SHCBP1L: variants seen among roughly 807,000 people sequenced by gnomAD.
SHCBP1L encodes testicular spindle-associated protein SHCBP1L.
In SHCBP1L, 67 loss-of-function variants were observed where a neutral mutation model predicts 62.5. The observed-to-expected ratio is 1.07, with a 90% CI of 0.88 to 1.31. SHCBP1L has a LOEUF of 1.31. Ranked by LOEUF, SHCBP1L falls within the 40% of genes most tolerant of loss-of-function variation. The pLI is 0.00. For synonymous variants in SHCBP1L, 284 were observed against 289.4 expected (o/e 0.98, Z 0.19); for missense variants, 823 against 809.8 (o/e 1.02, Z -0.20).
At chr1:182,926,900 A>C (rs1650769069) in intron 6 of SHCBP1L, among the ~76,000 whole-genome samples, 1 of 151,754 alleles carries the variant, frequency 6.6e-6, no homozygotes, top group South Asian at 2.1e-4. Context: ...AACTCTATAA[A>C]TATGAAACAT....
rs552216027 is a variant in SHCBP1L, at chr1:182,923,669, CT to C, written c.1182+5977del. 2.0e-5 allele frequency among the ~76,000 whole-genome samples: 3 copies of C among 152,146 alleles called. No homozygotes were observed. In the South Asian group the frequency reaches 6.2e-4, roughly 32 times the overall value. The stretch of plus-strand genomic sequence containing the variant: ...ATCATCTCAACAGATGCTGAAAAGG[CT>C]TTCTATAAATTCAACATCTATTCAT... On this transcript the variant is annotated intron_variant, in intron 6 of 9. Coordinates refer to ENST00000367547, the MANE Select transcript of SHCBP1L (RefSeq NM_030933.4).
At chr1:182,911,992 A>G (rs1650203574) in intron 6 of SHCBP1L, among the ~76,000 whole-genome samples, 1 of 152,248 alleles carries the variant, frequency 6.6e-6, no homozygotes, top group Admixed American at 6.5e-5. Context: ...CATAACTTCC[A>G]CAGTCCTTAT....
rs767553592 is a variant in SHCBP1L, at chr1:182,943,275, ATTTTTTTTTT to A, written c.556-2742_556-2733del. ...AGGACTACCTGTGCCACCATTCTTG[ATTTTTTTTTT>A]TTTTTTTTTTTTTTTTGGTACAGAC... On this transcript the variant is annotated intron_variant, in intron 2 of 9. Transcript: ENST00000367547. Among the ~76,000 whole-genome samples the A allele has an allele frequency of 7.6e-5, 6 of 79,094 alleles. No individual in the cohort carries two copies. In the East Asian group the frequency reaches 1.6e-3, roughly 22 times the overall value. The allele number at this position is 79,094 out of a possible 152,430, so 51.9% of individuals were successfully genotyped here.
At chr1:182,943,772 T>C (rs1443968735) in intron 2 of SHCBP1L, among the ~76,000 whole-genome samples, 1 of 151,546 alleles carries the variant, frequency 6.6e-6, no homozygotes, top group Admixed American at 6.6e-5. Context: ...TTTTTTTCAG[T>C]ATTATACATG....
chr1:182,903,412 C>T (rs1649904467), intron 8 of SHCBP1L, among the ~76,000 whole-genome samples: 2 of 152,066 alleles, frequency 1.3e-5, no homozygotes, highest in African/African-American at 4.8e-5. Flanking sequence ...CTCTTCCACC[C>T]AAATGATTCT....
In SHCBP1L at chr1:182,939,324, AT is replaced by A; in HGVS notation, c.927del (p.Lys309AsnfsTer35). 1 of 1,613,874 alleles carries A rather than the reference AT, an allele frequency of 6.2e-7. No homozygotes were observed. Among genetic ancestry groups the A allele is most frequent in the African/African-American group, 1.3e-5 (1 of 74,998 alleles). On this transcript the variant is annotated frameshift_variant, in exon 5 of 10. Transcript: ENST00000367547. LOFTEE classifies it high-confidence loss of function. ...IAQRFKKTLE[K>X]YKNKRVELIE... ...ATGAGCTCGACACGTTTGTTTTTAT[AT>A]TTCTCCAAAGTTTTTTTAAAACGTT...
At chr1:182,928,985 A>G (rs1650871688) in intron 6 of SHCBP1L, among the ~76,000 whole-genome samples, 1 of 152,170 alleles carries the variant, frequency 6.6e-6, no homozygotes, top group Non-Finnish European at 1.5e-5. Context: ...AGGACATGAG[A>G]AAAAAAGTAA....
chr1:182,933,974 A>T (rs1403573151), intron 5 of SHCBP1L, among the ~76,000 whole-genome samples: 1 of 152,152 alleles, frequency 6.6e-6, no homozygotes, highest in Non-Finnish European at 1.5e-5. Flanking sequence ...TTCCTTTGTG[A>T]GTAGTTTTTC....
intron 6 of SHCBP1L, among the ~76,000 whole-genome samples, chr1:182,926,621 A>C (rs940873348): frequency 6.6e-6 from 1 of 152,134 alleles, no homozygotes; most frequent in South Asian, 2.1e-4. Context: ...AATCAAATCC[A>C]GGTTTTTATG....
chr1:182,935,001 T>C (rs1482056967), intron 5 of SHCBP1L, among the ~76,000 whole-genome samples: 2 of 151,968 alleles, frequency 1.3e-5, no homozygotes, highest in East Asian at 3.9e-4. Flanking sequence ...ATCTGGACTA[T>C]ATAAGGACTC....
At chr1:182,932,437 A>T (rs554741120) in intron 5 of SHCBP1L, among the ~76,000 whole-genome samples, 2 of 151,938 alleles carry the variant, frequency 1.3e-5, no homozygotes, top group Non-Finnish European at 2.9e-5. Flanking sequence ...CTGTTGTTCC[A>T]CACCTTTCTA....
rs114391160 is a variant in SHCBP1L at position 182,942,430 on chromosome 1, G to C, written c.556-1887C>G. On this transcript the variant is annotated intron_variant, in intron 2 of 9. Transcript: ENST00000367547. ...TGGCGGCAGGCAGGGCGCGTGCCGGGTGCCTGCGGGCCGTGGCGCGCCGAG... is the reference window on the plus strand; with the variant it reads ...TGGCGGCAGGCAGGGCGCGTGCCGGCTGCCTGCGGGCCGTGGCGCGCCGAG... 6.6e-3 allele frequency: 4,616 copies of C among 695,278 alleles called. 158 individuals carry two copies. The African/African-American group carries it at 0.074, about 11-fold the overall frequency. 43.1% of individuals were successfully genotyped at this position (695,278 alleles called of 1,614,324 possible). A position where few individuals can be genotyped will look rare whatever the true frequency, so the allele number is the denominator to read the frequency against.
At chr1:182,927,432 G>A (rs1028483046) in intron 6 of SHCBP1L, among the ~76,000 whole-genome samples, 2 of 152,080 alleles carry the variant, frequency 1.3e-5, no homozygotes, top group African/African-American at 4.8e-5. Context: ...CAGCACTTTG[G>A]GAGGCTGAGG....
At position 182,912,948 on chromosome 1, in the gene SHCBP1L, A is replaced by G. The variant is rs140107873; in HGVS notation, c.1183-7299T>C. On this transcript the variant is annotated intron_variant, in intron 6 of 9. Coordinates refer to ENST00000367547, the MANE Select transcript of SHCBP1L (RefSeq NM_030933.4). ...TCAGGAGTTCAAGACCAGACTGACC[A>G]ATATGGTGAAACCCCTTCTCTACTA... Among the ~76,000 whole-genome samples the G allele has an allele frequency of 3.8e-3, 572 of 151,918 alleles. 7 individuals carry two copies. The highest frequency in any genetic ancestry group is 0.013 in the African/African-American group (542 of 41,472).
intron 6 of SHCBP1L, among the ~76,000 whole-genome samples, chr1:182,914,102 G>A (rs763451010): frequency 3.4e-4 from 51 of 152,182 alleles, no homozygotes; most frequent in African/African-American, 1.2e-3. Flanking sequence ...TTTCTCATCA[G>A]AAACCATGGA....
intron 6 of SHCBP1L, among the ~76,000 whole-genome samples, chr1:182,926,667 C>T (rs1011504314): frequency 6.6e-6 from 1 of 151,896 alleles, no homozygotes; most frequent in Non-Finnish European, 1.5e-5. Context: ...TCACACTATA[C>T]CGTCTCCAGA....
rs1436449975 is a variant in SHCBP1L at position 182,940,320 on chromosome 1, C to G, written c.770+9G>C. 6.2e-7 allele frequency: 1 copy of G among 1,610,030 alleles called. No individual in the cohort carries two copies. The highest frequency in any genetic ancestry group is 8.5e-7 in the Non-Finnish European group (1 of 1,177,198). Reference sequence around the variant, plus strand: ...TAAATTTAATTTTCAAAAGTAAAGGCCCTAATACCTGACAACTTCCAAGGC... The same window carrying G: ...TAAATTTAATTTTCAAAAGTAAAGGGCCTAATACCTGACAACTTCCAAGGC... On this transcript the variant is annotated intron_variant, in intron 3 of 9. Transcript: ENST00000367547.
intron 6 of SHCBP1L, 138 bp downstream of exon 6, chr1:182,929,509 T>C: frequency 3.9e-6 from 2 of 516,762 alleles, no homozygotes; most frequent in South Asian, 3.2e-5. Flanking sequence ...GTATCTATTA[T>C]ATGGCAATAA....
chr1:182,930,735 T>G (rs1228209241), intron 5 of SHCBP1L, among the ~76,000 whole-genome samples: 1 of 106,070 alleles, frequency 9.4e-6, no homozygotes, highest in African/African-American at 3.5e-5. Context: ...GTATTTTTTT[T>G]TTTTTTTTTT....
Sources: gnomAD v4.1 joint callset for allele counts (sites outside exome capture counted in the v4.1 genomes callset) on GRCh38, gnomAD v4.1.1 for gene constraint, MANE v1.5 for transcripts, NCBI Gene and HGNC (gene_info 2026-07-23, HGNC 2026-07-21) for gene names.